SIPA1L3: variants seen among roughly 807,000 people sequenced by gnomAD.
The protein encoded by SIPA1L3 is signal induced proliferation associated 1 like 3, also known as signal-induced proliferation-associated 1-like protein 3.
SIPA1L3 carries 59 observed loss-of-function variants against 150.1 expected under a neutral mutation model. The ratio of observed to expected loss-of-function variants is 0.39; its 90% CI spans 0.32 to 0.49. The LOEUF (loss-of-function observed/expected upper bound fraction) is 0.49, where lower values mean the gene tolerates loss of function less well. Among genes scored for constraint, SIPA1L3 ranks in the 20% least tolerant of loss-of-function variants. The pLI is 0.86. For missense variants in SIPA1L3, 2,211 were observed against 2,489.5 expected, an observed-to-expected ratio of 0.89 and a Z score of 2.38; for synonymous variants, 1,070 against 1,077.6, an observed-to-expected ratio of 0.99 and a Z score of 0.14.
chr19:38,162,635 C>G (rs1019087141), intron 14 of SIPA1L3, among the ~76,000 whole-genome samples: 4 of 152,252 alleles, frequency 2.6e-5, no homozygotes, highest in African/African-American at 9.6e-5. Flanking sequence ...GCTGCTGTAA[C>G]AGACAGCCCC....
In SIPA1L3 at chr19:38,038,812, C is replaced by G. The variant is rs553508319; in HGVS notation, c.-311+9656C>G. Among the ~76,000 whole-genome samples the G allele has an allele frequency of 3.9e-5, 6 of 152,268 alleles. No homozygotes were observed. The East Asian group carries it at 9.6e-4, about 24-fold the overall frequency. ...CCCAAGGCCTGGGTCTCACCCTTGA[C>G]CAATTCAGTTAGAGTTACTGAGCGA... On this transcript the variant is annotated intron_variant, in intron 2 of 21. Transcript: ENST00000222345.
In SIPA1L3 at chr19:38,077,661, CTTTTTTT is replaced by C. The variant is rs58788182; in HGVS notation, c.-310-3574_-310-3568del. 4.3e-3 allele frequency among the ~76,000 whole-genome samples: 278 copies of C among 64,360 alleles called. 5 individuals carry two copies. Among genetic ancestry groups the C allele is most frequent in the East Asian group, 0.023 (42 of 1,836 alleles). The allele number at this position is 64,360 out of a possible 152,430, so 42.2% of individuals were successfully genotyped here. ...TTTTTTCTTTTTTCTTTTTCTTTTT[CTTTTTTT>C]TTTTTTTTTTTTTTTTTTTTGAGAT... On this transcript the variant is annotated intron_variant, in intron 2 of 21. Transcript: ENST00000222345.
In SIPA1L3 at chr19:38,119,355, C is replaced by T; in HGVS notation, c.2341C>T (p.Pro781Ser). The T allele has an allele frequency of 6.2e-7, 1 of 1,614,200 alleles. No homozygotes were observed. The change falls in exon 9 of 22, where the codon CCC becomes TCC. Residue 781 changes from proline to serine, a missense_variant. This residue lies in a region of SIPA1L3 where 625 missense variants were observed against 804.2 expected (regional missense o/e 0.78). Coordinates refer to ENST00000222345, the MANE Select transcript of SIPA1L3 (RefSeq NM_015073.3). Reference sequence around the variant, plus strand: ...CGCTCCTCCTTTCGGCCCCCCCATCCCCAGTGGAACCACATTCCGCAAATC... The same window carrying T: ...CGCTCCTCCTTTCGGCCCCCCCATCTCCAGTGGAACCACATTCCGCAAATC... ...KDAPPFGPPI[P>S]SGTTFRKSDV...
chr19:38,190,946 C>T (rs1331789027), intron 16 of SIPA1L3, among the ~76,000 whole-genome samples: 1 of 152,196 alleles, frequency 6.6e-6, no homozygotes. Flanking sequence ...TCAAGCTTGG[C>T]AGTGGCGTGG....
rs537721754 is a variant in SIPA1L3 at position 38,092,384 on chromosome 19, C to A, written c.1665+3533C>A. ...AAGTATAATATTAAAAAAAAAAAAA[C>A]CCAGACTATGTCACACATACTGAGA... On this transcript the variant is annotated intron_variant, in intron 4 of 21. Transcript: ENST00000222345. Among the ~76,000 whole-genome samples, 155 of 150,468 alleles carry A rather than the reference C, an allele frequency of 1.0e-3. 2 individuals are homozygous for A. The highest frequency in any genetic ancestry group is 1.6e-4 in the Non-Finnish European group (11 of 67,254).
intron 2 of SIPA1L3, among the ~76,000 whole-genome samples, chr19:38,059,429 G>T (rs1307617985): frequency 6.7e-6 from 1 of 149,650 alleles, no homozygotes; most frequent in Non-Finnish European, 1.5e-5. Context: ...TCAACCTCCT[G>T]AGTAGCTGGG....
chr19:38,131,725 CG>C (rs1971311958), intron 10 of SIPA1L3: 1 of 148,940 alleles, frequency 6.7e-6, no homozygotes, highest in African/African-American at 2.5e-5. Context: ...CTCCACCTCC[CG>C]GGTTCAAGCG....
chr19:37,984,097 A>G (rs1967277472), intron 1 of SIPA1L3, among the ~76,000 whole-genome samples: 2 of 152,104 alleles, frequency 1.3e-5, no homozygotes, highest in Non-Finnish European at 2.9e-5. Flanking sequence ...ACAATGAGGC[A>G]CTTTTTGCAG....
At chr19:37,927,145 CT>C (rs34057465) in intron 1 of SIPA1L3, among the ~76,000 whole-genome samples, 57 of 128,448 alleles carry the variant, frequency 4.4e-4, no homozygotes, top group Admixed American at 4.4e-4. Flanking sequence ...TTTTCTTTTC[CT>C]TTTTTTTTTT....
chr19:38,205,476 A>T (rs2146079873), intron 21 of SIPA1L3, among the ~76,000 whole-genome samples: 1 of 151,130 alleles, frequency 6.6e-6, no homozygotes, highest in African/African-American at 2.4e-5. Context: ...AAAAAAAAAA[A>T]TGAGGAGGAG....
intron 2 of SIPA1L3, among the ~76,000 whole-genome samples, chr19:38,061,052 G>T (rs1969436006): frequency 6.6e-6 from 1 of 152,072 alleles, no homozygotes. Flanking sequence ...ACTTCTTGGG[G>T]TTTCTAGGTT....
chr19:38,201,736 C>T, intron 19 of SIPA1L3, 126 bp from the exon 20 acceptor site: 12 of 1,010,116 alleles, frequency 1.2e-5, no homozygotes, highest in African/African-American at 1.6e-5. Context: ...ATCTAAGTGC[C>T]GATGCAGTCT....
chr19:38,192,067 C>T (rs940097136), intron 16 of SIPA1L3, 78 bp from the exon 17 acceptor site: 4 of 1,377,708 alleles, frequency 2.9e-6, no homozygotes, highest in Non-Finnish European at 4.0e-6. Flanking sequence ...TGGTGGCCGG[C>T]CCTCTTGAAT....
In SIPA1L3 at chr19:38,195,380, C is replaced by T. The variant is rs572928746; in HGVS notation, c.4840+1600C>T. 5.3e-5 allele frequency among the ~76,000 whole-genome samples: 8 copies of T among 152,350 alleles called. No homozygotes were observed. The East Asian group carries it at 1.5e-3, about 29-fold the overall frequency. On this transcript the variant is annotated intron_variant, in intron 18 of 21. Transcript: ENST00000222345. Reference sequence around the variant, plus strand: ...GCTTCTGGGCCCTCCCCTGCGCTCCCTTCCTGTTCCTGCAGCGCCTGCTGT... The same window carrying T: ...GCTTCTGGGCCCTCCCCTGCGCTCCTTTCCTGTTCCTGCAGCGCCTGCTGT...
intron 21 of SIPA1L3, among the ~76,000 whole-genome samples, chr19:38,204,752 C>T (rs1973171323): frequency 6.6e-6 from 1 of 151,354 alleles, no homozygotes; most frequent in African/African-American, 2.4e-5. Flanking sequence ...GGCAACAGAG[C>T]GAGACTCCAT....
chr19:38,182,665 G>A lies in SIPA1L3; in HGVS notation c.4355G>A (p.Arg1452His), dbSNP rs781590143. ...PKSFFSKQPV[R>H]NKHPTGWKRT... is the part of the protein sequence containing the mutation. ...TCCTTCTTCTCCAAGCAGCCTGTAC[G>A]CAATAAGCACCCAACAGGGTGGAAG... is the stretch of plus-strand genomic sequence containing the variant. Residue 1452 changes from arginine to histidine, a missense_variant, in exon 16 of 22, where the codon CGC becomes CAC. Arg to His is a conservative substitution (Grantham distance 29, BLOSUM62 0). Coordinates refer to ENST00000222345, the MANE Select transcript of SIPA1L3 (RefSeq NM_015073.3). 29 of 1,614,010 alleles carry A rather than the reference G, an allele frequency of 1.8e-5. No individual in the cohort carries two copies. The highest frequency in any genetic ancestry group is 4.5e-5 in the East Asian group (2 of 44,896).
At position 38,196,759 on chromosome 19, in the gene SIPA1L3, CAGGAGGCCGAGGGGGGAGCA is replaced by C. The variant is rs879705074; in HGVS notation, c.4841-1622_4841-1603del. On this transcript the variant is annotated intron_variant, in intron 18 of 21. Transcript: ENST00000222345. ...AGAGCATGGAGGCCGAGGGGGGAGCCAGGAGGCCGAGGGGGGAGCAAGGAGGCTGAGGGACGAGCCAGGAG... is the reference window on the plus strand; with the variant it reads ...AGAGCATGGAGGCCGAGGGGGGAGCCAGGAGGCTGAGGGACGAGCCAGGAG... Among the ~76,000 whole-genome samples, 146 of 147,734 alleles carry C rather than the reference CAGGAGGCCGAGGGGGGAGCA, an allele frequency of 9.9e-4. 2 individuals carry two copies. Among genetic ancestry groups the C allele is most frequent in the African/African-American group, 2.3e-3 (95 of 40,466 alleles).
chr19:38,102,194 G>T (rs1600072384), intron 6 of SIPA1L3, among the ~76,000 whole-genome samples: 1 of 151,740 alleles, frequency 6.6e-6, no homozygotes, highest in Non-Finnish European at 1.5e-5. Context: ...TTACAGGCAT[G>T]AGCCATCACT....
At chr19:37,959,446 T>C (rs2145569936) in intron 1 of SIPA1L3, among the ~76,000 whole-genome samples, 1 of 152,318 alleles carries the variant, frequency 6.6e-6, no homozygotes, top group East Asian at 1.9e-4. Flanking sequence ...TTCATCCCAT[T>C]TATATGAAAT....
Sources: gnomAD v4.1 joint callset for allele counts (sites outside exome capture counted in the v4.1 genomes callset) on GRCh38, gnomAD v4.1.1 for gene constraint, gnomAD v4.1.1 regional missense constraint, MANE v1.5 for transcripts, NCBI Gene and HGNC (gene_info 2026-07-23, HGNC 2026-07-21) for gene names.